MORN5: variants seen among roughly 807,000 people sequenced by gnomAD.
The protein encoded by MORN5 is MORN repeat-containing protein 5.
MORN5 carries 21 observed loss-of-function variants against 22.1 expected under a neutral mutation model. That is an observed-to-expected ratio of 0.95 (90% confidence interval 0.67 to 1.37). The LOEUF (loss-of-function observed/expected upper bound fraction) is 1.37. Ranked by LOEUF, MORN5 falls within the 40% of genes most tolerant of loss-of-function variation. The pLI is 0.00. For synonymous variants in MORN5, 73 were observed against 74.0 expected (o/e 0.99, Z 0.07); for missense variants, 211 against 215.1 (o/e 0.98, Z 0.12).
At chr9:122,179,910 T>TCC (rs1829511701) in intron 4 of MORN5, among the ~76,000 whole-genome samples, 1 of 152,228 alleles carries the variant, frequency 6.6e-6, no homozygotes, top group Non-Finnish European at 1.5e-5. Flanking sequence ...CCTCTGGGCC[T>TCC]CAGATGGGTG....
At chr9:122,193,519 G>A (rs1219049789) in intron 4 of MORN5, among the ~76,000 whole-genome samples, 7 of 152,142 alleles carry the variant, frequency 4.6e-5, no homozygotes, top group African/African-American at 1.7e-4. Flanking sequence ...CGGGAGGCGG[G>A]GGTTGCAGTG....
intron 4 of MORN5, among the ~76,000 whole-genome samples, chr9:122,181,365 A>T (rs752288721): frequency 2.6e-5 from 4 of 152,180 alleles, no homozygotes; most frequent in Non-Finnish European, 5.9e-5. Context: ...GAATGGGCTC[A>T]TCCTGAGATT....
chr9:122,193,316 G>A lies in MORN5; in HGVS notation c.440-6569G>A, dbSNP rs1396502938. On this transcript the variant is annotated intron_variant, in intron 4 of 4. Transcript: ENST00000373764. ...AGCAGCAATTTGTCCGCCGGGCGCCGTGGCTCACACCTATAATCCCAGCAC... is the reference window on the plus strand; with the variant it reads ...AGCAGCAATTTGTCCGCCGGGCGCCATGGCTCACACCTATAATCCCAGCAC... Among the ~76,000 whole-genome samples, 5 of 152,244 alleles carry A rather than the reference G, an allele frequency of 3.3e-5. No individual in the cohort carries two copies. In the South Asian group the frequency reaches 6.2e-4, roughly 19 times the overall value.
intron 4 of MORN5, 154 bp downstream of exon 4, chr9:122,174,781 T>A (rs1189777804): frequency 7.2e-6 from 11 of 1,520,888 alleles, no homozygotes; most frequent in Non-Finnish European, 9.7e-6. Flanking sequence ...TTTTTTGGAC[T>A]TCTCGTGGCT....
chr9:122,169,019 G>A (rs1369761030), intron 2 of MORN5, among the ~76,000 whole-genome samples: 2 of 152,144 alleles, frequency 1.3e-5, no homozygotes, highest in African/African-American at 4.8e-5. Flanking sequence ...CAGGAATGCT[G>A]ATGTCCAAGG....
At position 122,176,165 on chromosome 9, in the gene MORN5, A is replaced by G. The variant is rs1829448839; in HGVS notation, c.439+1538A>G. Among the ~76,000 whole-genome samples the G allele has an allele frequency of 2.6e-5, 4 of 151,270 alleles. No homozygotes were observed. The South Asian group carries it at 6.3e-4, about 24-fold the overall frequency. On this transcript the variant is annotated intron_variant, in intron 4 of 4. Transcript: ENST00000373764. ...GCAAGGAGAATTGTCAGCTGATCCT[A>G]TGACTGGAATCCTGGAGCTAAGATG...
intron 3 of MORN5, among the ~76,000 whole-genome samples, chr9:122,170,738 C>T (rs10818641): frequency 0.38 from 58,502 of 152,094 alleles, 13,210 homozygotes; most frequent in Non-Finnish European, 0.51. Context: ...AAAACCGTGT[C>T]TCATCATGGA....
At position 122,182,377 on chromosome 9, in the gene MORN5, T is replaced by G. The variant is rs117828294; in HGVS notation, c.439+7750T>G. On this transcript the variant is annotated intron_variant, in intron 4 of 4. Transcript: ENST00000373764. ...ACCCTCAAACAAGGGCATGTGGCTTTGCCTGTGCATCCACAGCTCAGCTGG... is the reference window on the plus strand; with the variant it reads ...ACCCTCAAACAAGGGCATGTGGCTTGGCCTGTGCATCCACAGCTCAGCTGG... Among the ~76,000 whole-genome samples the G allele has an allele frequency of 7.2e-5, 11 of 152,380 alleles. No individual in the cohort carries two copies. The East Asian group carries it at 2.1e-3, about 29-fold the overall frequency.
At chr9:122,195,860 T>C (rs1829875390) in intron 4 of MORN5, among the ~76,000 whole-genome samples, 1 of 152,228 alleles carries the variant, frequency 6.6e-6, no homozygotes, top group African/African-American at 2.4e-5. Flanking sequence ...CGGATTTGTC[T>C]ATTCTGATTT....
chr9:122,166,986 C>T, intron 2 of MORN5, 71 bp downstream of exon 2: 1 of 1,455,812 alleles, frequency 6.9e-7, no homozygotes. Context: ...CCTCTGGCAC[C>T]CCATCCTCCC....
intron 4 of MORN5, among the ~76,000 whole-genome samples, chr9:122,194,416 C>T (rs978823885): frequency 6.6e-6 from 1 of 152,104 alleles, no homozygotes; most frequent in African/African-American, 2.4e-5. Flanking sequence ...AATACATATG[C>T]AGGGAGTGGC....
chr9:122,186,782 G>A (rs953083444), intron 4 of MORN5, among the ~76,000 whole-genome samples: 1 of 152,190 alleles, frequency 6.6e-6, no homozygotes, highest in African/African-American at 2.4e-5. Flanking sequence ...CACTGTAATG[G>A]TTTGTTTTGT....
chr9:122,169,683 G>C lies in MORN5; in HGVS notation c.234G>C (p.Glu78Asp). The C allele has an allele frequency of 6.2e-7, 1 of 1,614,130 alleles. No homozygotes were observed. The highest frequency in any genetic ancestry group is 8.5e-7 in the Non-Finnish European group (1 of 1,180,014). ...YTFSDGLHYD[E>D]KNWHYCDGYD... ...TCTCAGATGGGCTGCACTATGATGAGAAAAACTGGCATTACTGCGACGGCT... is the reference window on the plus strand; with the variant it reads ...TCTCAGATGGGCTGCACTATGATGACAAAAACTGGCATTACTGCGACGGCT... Residue 78 changes from glutamate (E) to aspartate (D), a missense_variant, in exon 3 of 5, where the codon GAG (glutamate) becomes GAC (aspartate). Glu to Asp is a conservative substitution (Grantham distance 45). Coordinates refer to ENST00000373764, the MANE Select transcript of MORN5 (RefSeq NM_198469.4).
intron 4 of MORN5, among the ~76,000 whole-genome samples, chr9:122,178,965 C>T (rs1022432123): frequency 1.3e-5 from 2 of 152,112 alleles, no homozygotes; most frequent in African/African-American, 4.8e-5. Flanking sequence ...TAACACAGAT[C>T]ATAACAGCAT....
At chr9:122,167,223 T>C (rs938983006) in intron 2 of MORN5, among the ~76,000 whole-genome samples, 10 of 151,320 alleles carry the variant, frequency 6.6e-5, no homozygotes, top group African/African-American at 2.4e-4. Context: ...AATTTTTGTA[T>C]TTTTAGTAGA....
At position 122,176,594 on chromosome 9, in the gene MORN5, A is replaced by C. The variant is rs149660162; in HGVS notation, c.439+1967A>C. Among the ~76,000 whole-genome samples, 3 of 152,218 alleles carry C rather than the reference A, an allele frequency of 2.0e-5. No individual in the cohort carries two copies. The East Asian group carries it at 5.8e-4, about 29-fold the overall frequency. On this transcript the variant is annotated intron_variant, in intron 4 of 4. Coordinates refer to ENST00000373764, the MANE Select transcript of MORN5 (RefSeq NM_198469.4). Reference sequence around the variant, plus strand: ...GTAAGTGTTCAGTTAGAAAAATGGAAAGAGGCAGGACGCCGTGGCTCATGC... The same window carrying C: ...GTAAGTGTTCAGTTAGAAAAATGGACAGAGGCAGGACGCCGTGGCTCATGC...
intron 4 of MORN5, among the ~76,000 whole-genome samples, chr9:122,187,954 A>C (rs1829673723): frequency 1.3e-5 from 2 of 152,182 alleles, no homozygotes; most frequent in South Asian, 4.1e-4. Flanking sequence ...GGGAAGGAGC[A>C]ATATGGGCAA....
At chr9:122,164,011 A>C (rs1829240591) in intron 1 of MORN5, among the ~76,000 whole-genome samples, 3 of 152,166 alleles carry the variant, frequency 2.0e-5, no homozygotes. Flanking sequence ...CAGCCTCCCC[A>C]GTAGCTGGGA....
chr9:122,198,694 G>A (rs1013419091), intron 4 of MORN5, among the ~76,000 whole-genome samples: 6 of 152,168 alleles, frequency 3.9e-5, no homozygotes, highest in Middle Eastern at 6.3e-3. Context: ...GTGTGGCCAA[G>A]AACGCTTGTC....
Sources: gnomAD v4.1 joint callset for allele counts (sites outside exome capture counted in the v4.1 genomes callset) on GRCh38, gnomAD v4.1.1 for gene constraint, MANE v1.5 for transcripts, NCBI Gene and HGNC (gene_info 2026-07-23, HGNC 2026-07-21) for gene names.